RAX: variants seen among roughly 807,000 people sequenced by gnomAD.
RAX encodes the protein retinal homeobox protein Rx.
A neutral mutation model predicts 17.4 loss-of-function variants in RAX; 11 were observed. The ratio of observed to expected loss-of-function variants is 0.63; its 90% CI spans 0.40 to 1.05. RAX has a LOEUF of 1.05. RAX is among the 50% of genes least tolerant of loss of function. The pLI, the probability that RAX is intolerant of heterozygous loss-of-function variation, is 0.00. For missense variants in RAX, 527 were observed against 501.1 expected (o/e 1.05, Z -0.49); for synonymous variants, 276 against 254.7 (o/e 1.08, Z -0.80).
At chr18:59,270,561 G>T (rs1568097191) in intron 2 of RAX, among the ~76,000 whole-genome samples, 1 of 152,348 alleles carries the variant, frequency 6.6e-6, no homozygotes, top group East Asian at 1.9e-4. Flanking sequence ...GAACACAAAA[G>T]AATTTCAGCC....
chr18:59,269,537 C>G, intron 2 of RAX, 36 bp from the exon 3 acceptor site: 7 of 1,590,550 alleles, frequency 4.4e-6, no homozygotes, highest in Non-Finnish European at 6.0e-6. Flanking sequence ...CGGGCAGCAG[C>G]GGAGGCTGCG....
At position 59,272,403 on chromosome 18, in the gene RAX, C is replaced by T; in HGVS notation, c.501G>A (p.Glu167=). 1.9e-6 allele frequency: 3 copies of T among 1,614,276 alleles called. No homozygotes were observed. Among genetic ancestry groups the T allele is most frequent in the South Asian group, 2.2e-5 (2 of 91,084 alleles). Reference sequence around the variant, plus strand: ...GTAGGTTGACCTTGCCGGCCAGCTCCTCGCGGCTGTACACGTCCGGGTAGT... The same window carrying T: ...GTAGGTTGACCTTGCCGGCCAGCTCTTCGCGGCTGTACACGTCCGGGTAGT... ...KSHYPDVYSR[E]ELAGKVNLPE... is the part of the protein sequence containing the mutation. Residue 167 remains glutamate, a synonymous_variant, in exon 2 of 3, where the codon GAG becomes GAA. Coordinates refer to ENST00000334889, the MANE Select transcript of RAX (RefSeq NM_013435.3).
Position 59,268,809 on chromosome 18 carries a change from T to C in RAX, c.*195A>G, listed in dbSNP as rs2070305079. 5.5e-6 allele frequency: 5 copies of C among 904,468 alleles called. No homozygotes were observed. The highest frequency in any genetic ancestry group is 8.2e-6 in the Non-Finnish European group (5 of 612,600). The allele number at this position is 904,468 out of a possible 1,614,324, so 56.0% of individuals were successfully genotyped here. On this transcript the variant is annotated 3_prime_UTR_variant, in exon 3 of 3. Coordinates refer to ENST00000334889, the MANE Select transcript of RAX (RefSeq NM_013435.3). This position sits in a 1 kb window ranked among gnomAD's most constrained non-coding sequence, Gnocchi z 4.4. ...AGTGCGTTGAGGCGGCCAGAGGGCCTCTCCTCAGGCCTGAAAGTCGCCCTT... is the reference window on the plus strand; with the variant it reads ...AGTGCGTTGAGGCGGCCAGAGGGCCCCTCCTCAGGCCTGAAAGTCGCCCTT...
At position 59,269,054 on chromosome 18, in the gene RAX, T is replaced by A; in HGVS notation, c.991A>T (p.Lys331Ter). ...ATGGCCTGGATGTGCTCCTTGGCTT[T>A]CAGACGCAGCGCCGCGATGCTGCTG... ...RNSSIAALRL[K>*]AKEHIQAIGK... The change falls in exon 3 of 3, where the codon AAA (lysine) becomes TAA (stop). Residue 331 changes from lysine to a stop codon, truncating the protein, a stop_gained. Coordinates refer to ENST00000334889, the MANE Select transcript of RAX (RefSeq NM_013435.3). LOFTEE classifies it high-confidence loss of function. 1 of 1,612,916 alleles carries A rather than the reference T, an allele frequency of 6.2e-7. No individual in the cohort carries two copies. Among genetic ancestry groups the A allele is most frequent in the Non-Finnish European group, 8.5e-7 (1 of 1,179,824 alleles).
chr18:59,271,201 G>A (rs2070335581), intron 2 of RAX, among the ~76,000 whole-genome samples: 3 of 152,230 alleles, frequency 2.0e-5, no homozygotes, highest in African/African-American at 7.2e-5. Flanking sequence ...AACAAGTAAT[G>A]AGGGAGGATG....
At chr18:59,271,916 T>C (rs922498650) in intron 2 of RAX, among the ~76,000 whole-genome samples, 2 of 152,172 alleles carry the variant, frequency 1.3e-5, no homozygotes, top group Admixed American at 6.5e-5. Flanking sequence ...AACTGCGAGG[T>C]GCCAGGCCCT....
Position 59,272,368 on chromosome 18 carries a change from C to T in RAX, c.536G>A (p.Arg179Gln), listed in dbSNP as rs1437175580. The T allele has an allele frequency of 1.5e-5, 24 of 1,614,112 alleles. No individual in the cohort carries two copies. Among genetic ancestry groups the T allele is most frequent in the Non-Finnish European group, 2.0e-5 (24 of 1,180,048 alleles). ...LAGKVNLPEV[R>Q]VQVWFQNRRA... Reference sequence around the variant, plus strand: ...TCAACCTGGGCGCTTTACCTGGACCCGGACCTCTGGTAGGTTGACCTTGCC... The same window carrying T: ...TCAACCTGGGCGCTTTACCTGGACCTGGACCTCTGGTAGGTTGACCTTGCC... Residue 179 changes from arginine to glutamine, a missense_variant, in exon 2 of 3, where the codon CGG (arginine) becomes CAG (glutamine). Coordinates refer to ENST00000334889, the MANE Select transcript of RAX (RefSeq NM_013435.3).
chr18:59,271,733 A>C (rs1287799305), intron 2 of RAX, among the ~76,000 whole-genome samples: 1 of 152,214 alleles, frequency 6.6e-6, no homozygotes, highest in Non-Finnish European at 1.5e-5. Flanking sequence ...ATGACTAGCA[A>C]ATATTTAAGG....
At chr18:59,272,800 G>T (rs1029400920) in intron 1 of RAX, 118 bp downstream of exon 1, 14 of 1,401,252 alleles carry the variant, frequency 1.0e-5, no homozygotes, top group Admixed American at 7.6e-5. Flanking sequence ...CGCCATAGAC[G>T]GTCCCCAACC....
Position 59,272,513 on chromosome 18 carries a change from G to C in RAX, c.391C>G (p.Gln131Glu). ...TGEAKLSEEE[Q>E]PKKKHRRNRT... ...TTCCGCCGATGCTTTTTCTTGGGCT[G>C]TTCCTCCTCTGACAGTTTCGCTTCG... Residue 131 changes from glutamine (Q) to glutamate (E), a missense_variant, in exon 2 of 3, where the codon CAG becomes GAG. Gln to Glu is a conservative substitution (Grantham distance 29, BLOSUM62 2). Coordinates refer to ENST00000334889, the MANE Select transcript of RAX (RefSeq NM_013435.3). The C allele has an allele frequency of 6.2e-7, 1 of 1,614,244 alleles. No individual in the cohort carries two copies. The highest frequency in any genetic ancestry group is 8.5e-7 in the Non-Finnish European group (1 of 1,180,044).
At position 59,272,564 on chromosome 18, in the gene RAX, C is replaced by T. The variant is rs2070347320; in HGVS notation, c.340G>A (p.Gly114Arg). ...CCGGTGGCTGGCCCGACGGGCAGCC[C>T]TGGGCTCGGCCGTGCCTCCCCGGGC... ...KEPGEARPSPGLPVGPATGEA... is the reference protein window; with the variant it reads ...KEPGEARPSPRLPVGPATGEA... Residue 114 changes from glycine (G) to arginine (R), a missense_variant, in exon 2 of 3, where the codon GGG (glycine) becomes AGG (arginine). Transcript: ENST00000334889. The T allele has an allele frequency of 6.2e-7, 1 of 1,614,018 alleles. No homozygotes were observed. The highest frequency in any genetic ancestry group is 8.5e-7 in the Non-Finnish European group (1 of 1,179,998).
rs2070299053 is a variant in RAX, at chr18:59,268,244, G to T, written c.*760C>A. On this transcript the variant is annotated 3_prime_UTR_variant, in exon 3 of 3. Transcript: ENST00000334889. The surrounding 1 kb of genome is among the most constrained non-coding windows in gnomAD (Gnocchi z 4.4). ...GACTATGGGGCTAGCGGGGGAACTG[G>T]GAGCGCGCTAGCATCTGAGCCTTAG... is the stretch of plus-strand genomic sequence containing the variant. 6.6e-6 allele frequency: 1 copy of T among 152,190 alleles called. No homozygotes were observed. The highest frequency in any genetic ancestry group is 6.5e-5 in the Admixed American group (1 of 15,284). The allele number at this position is 152,190 out of a possible 1,614,324, so 9.4% of individuals were successfully genotyped here. A position where few individuals can be genotyped will look rare whatever the true frequency, so the allele number is the denominator to read the frequency against.
intron 2 of RAX, among the ~76,000 whole-genome samples, chr18:59,271,155 G>A (rs2070335092): frequency 6.6e-6 from 1 of 152,224 alleles, no homozygotes; most frequent in Non-Finnish European, 1.5e-5. Context: ...CTGTTCTCAA[G>A]AATCTCACAA....
intron 2 of RAX, among the ~76,000 whole-genome samples, chr18:59,270,006 G>C (rs1310717113): frequency 6.6e-6 from 1 of 152,140 alleles, no homozygotes; most frequent in Non-Finnish European, 1.5e-5. Flanking sequence ...AGACTTGCTT[G>C]TTCTCTGTAT....
intron 2 of RAX, 36 bp downstream of exon 2, chr18:59,272,325 C>T: frequency 2.5e-6 from 4 of 1,614,086 alleles, no homozygotes; most frequent in South Asian, 1.1e-5. Context: ...GCCTCGGGCC[C>T]TCCCAGATCC....
intron 1 of RAX, 66 bp downstream of exon 1, chr18:59,272,852 C>T: frequency 4.7e-6 from 7 of 1,486,980 alleles, no homozygotes; most frequent in Non-Finnish European, 5.3e-6. Flanking sequence ...AAGGGGCGCT[C>T]TCGTCTGGCC....
chr18:59,269,732 C>G (rs983926345), intron 2 of RAX, among the ~76,000 whole-genome samples: 3 of 111,416 alleles, frequency 2.7e-5, no homozygotes, highest in African/African-American at 1.1e-4. Context: ...CTCTCTCTCT[C>G]TCTCTCTTTT....
chr18:59,272,937 C>G lies in RAX; in HGVS notation c.270G>C (p.Ala90=). The change falls in exon 1 of 3, where the codon GCG becomes GCC. Residue 90 remains alanine, a synonymous_variant. Transcript: ENST00000334889. ...ACTCACCTTCGTACTCGGGGGCGGG[C>G]GCCGGGGCTGGCGGCGGGGAGGGCT... ...GSEPSPPPAP[A]PAPEYEAPRP... 1 of 1,462,788 alleles carries G rather than the reference C, an allele frequency of 6.8e-7. No individual in the cohort carries two copies. Among genetic ancestry groups the G allele is most frequent in the African/African-American group, 1.5e-5 (1 of 67,986 alleles). 90.6% of individuals were successfully genotyped at this position (1,462,788 alleles called of 1,614,324 possible).
rs1276695172 is a variant in RAX at position 59,269,343 on chromosome 18, C to T, written c.702G>A (p.Pro234=). The change falls in exon 3 of 3, where the codon CCG becomes CCA. Residue 234 remains proline (P), a synonymous_variant. Transcript: ENST00000334889. ...ACTCCAGCGGCAGCGCGCCCCCAGC[C>T]GGCCCGCCACCGCTGCCCGGGCCCG... ...LGAGPGSGGG[P]AGGALPLESW... is the part of the protein sequence containing the mutation. 3.7e-6 allele frequency: 5 copies of T among 1,341,630 alleles called. No individual in the cohort carries two copies. Among genetic ancestry groups the T allele is most frequent in the Admixed American group, 6.4e-5 (2 of 31,330 alleles). The allele number at this position is 1,341,630 out of a possible 1,614,324, so 83.1% of individuals were successfully genotyped here.
Sources: gnomAD v4.1 joint callset for allele counts (sites outside exome capture counted in the v4.1 genomes callset) on GRCh38, gnomAD v4.1.1 for gene constraint, Gnocchi (gnomAD v3.1) non-coding constraint, MANE v1.5 for transcripts, NCBI Gene and HGNC (gene_info 2026-07-23, HGNC 2026-07-21) for gene names.